Variants in BUB1B observed in about 807,000 individuals in gnomAD.
BUB1B encodes mitotic checkpoint serine/threonine-protein kinase BUB1 beta.
BUB1B carries 86 observed loss-of-function variants against 137.7 expected under a neutral mutation model. The ratio of observed to expected loss-of-function variants is 0.62; its 90% CI spans 0.52 to 0.75. BUB1B has a LOEUF of 0.75. Ranked by LOEUF, BUB1B falls within the 30% of genes least tolerant of loss-of-function variation. The pLI, the probability that BUB1B is intolerant of heterozygous loss-of-function variation, is 0.00. For missense variants in BUB1B, 1,130 were observed against 1,236.9 expected (o/e 0.91, Z 1.30); for synonymous variants, 420 against 417.9 (o/e 1.00, Z -0.06).
At chr15:40,192,226 A>C (rs1485951687) in intron 8 of BUB1B, among the ~76,000 whole-genome samples, 2 of 152,116 alleles carry the variant, frequency 1.3e-5, no homozygotes, top group Non-Finnish European at 2.9e-5. Context: ...AATAGACTTT[A>C]TTTTTTAGGG....
chr15:40,182,441 A>G (rs1252676939), intron 5 of BUB1B, among the ~76,000 whole-genome samples: 2 of 152,174 alleles, frequency 1.3e-5, no homozygotes, highest in Admixed American at 6.5e-5. Flanking sequence ...CACACTTCAG[A>G]TATTACAAGT....
In BUB1B at chr15:40,221,042, G is replaced by T; in HGVS notation, c.*283G>T. The stretch of plus-strand genomic sequence containing the variant: ...AACCCATTTGTCTCTACTTTTCCCT[G>T]TACTTTTCCCATTTGTAATTTGTAA... On this transcript the variant is annotated 3_prime_UTR_variant, in exon 23 of 23. Coordinates refer to ENST00000287598, the MANE Select transcript of BUB1B (RefSeq NM_001211.6). The T allele has an allele frequency of 2.3e-6, 1 of 439,968 alleles. No homozygotes were observed. Among genetic ancestry groups the T allele is most frequent in the Non-Finnish European group, 4.1e-6 (1 of 242,736 alleles). The allele number at this position is 439,968 out of a possible 1,614,324, so 27.3% of individuals were successfully genotyped here.
In BUB1B at chr15:40,217,619, G is replaced by C. The variant is rs1484556062; in HGVS notation, c.2802G>C (p.Gln934His). The change falls in exon 21 of 23, where the codon CAG (glutamine) becomes CAC (histidine). Residue 934 changes from glutamine (Q) to histidine (H), a missense_variant. Gln to His is a conservative substitution (Grantham distance 24). Transcript: ENST00000287598. Reference sequence around the variant, plus strand: ...CCCTCAGCGGCTTTCGGACTGTACAGATCCTGGAAGGACAAAAGATCCTGG... The same window carrying C: ...CCCTCAGCGGCTTTCGGACTGTACACATCCTGGAAGGACAAAAGATCCTGG... ...VFTLSGFRTV[Q>H]ILEGQKILAN... 1 of 1,614,178 alleles carries C rather than the reference G, an allele frequency of 6.2e-7. No homozygotes were observed. Among genetic ancestry groups the C allele is most frequent in the Non-Finnish European group, 8.5e-7 (1 of 1,180,020 alleles).
chr15:40,174,260 T>C (rs2037198857), intron 4 of BUB1B, among the ~76,000 whole-genome samples: 1 of 152,222 alleles, frequency 6.6e-6, no homozygotes, highest in South Asian at 2.1e-4. Context: ...TTCAGAGTTA[T>C]AACTTTTCTT....
In BUB1B at chr15:40,213,441, A is replaced by T. The variant is rs1274168562; in HGVS notation, c.2645A>T (p.Asp882Val). 1 of 1,614,200 alleles carries T rather than the reference A, an allele frequency of 6.2e-7. No individual in the cohort carries two copies. Among genetic ancestry groups the T allele is most frequent in the African/African-American group, 1.3e-5 (1 of 75,062 alleles). The change falls in exon 20 of 23, where the codon GAC (aspartate) becomes GTC (valine). Residue 882 changes from aspartate to valine, a missense_variant. Physicochemically the swap from Asp to Val is radical, Grantham distance 152. Transcript: ENST00000287598. ...CACAAAGCAGAAATAGTCCATGGTGACTTGAGTCCAAGGTGTCTGATTCTC... is the reference window on the plus strand; with the variant it reads ...CACAAAGCAGAAATAGTCCATGGTGTCTTGAGTCCAAGGTGTCTGATTCTC... ...MLHKAEIVHG[D>V]LSPRCLILRN... is the part of the protein sequence containing the mutation.
Position 40,185,580 on chromosome 15 carries a change from T to C in BUB1B, c.996T>C (p.Ala332=). 6.2e-7 allele frequency: 1 copy of C among 1,614,252 alleles called. No individual in the cohort carries two copies. The highest frequency in any genetic ancestry group is 8.5e-7 in the Non-Finnish European group (1 of 1,180,036). Residue 332 remains alanine, a synonymous_variant, in exon 8 of 23, where the codon GCT becomes GCC. Coordinates refer to ENST00000287598, the MANE Select transcript of BUB1B (RefSeq NM_001211.6). ...GTGGCAATACAGCTTCACTGATAGC[T>C]GTACCCGCTGTGCTTCCCAGTTTCA... ...RPRGNTASLI[A]VPAVLPSFTP... is the part of the protein sequence containing the mutation.
chr15:40,208,478 C>T (rs1440325897), intron 15 of BUB1B, among the ~76,000 whole-genome samples, 159 bp from the exon 16 acceptor site: 1 of 152,058 alleles, frequency 6.6e-6, no homozygotes, highest in South Asian at 2.1e-4. Flanking sequence ...GCAGAGGTTG[C>T]AGTGAGCCAA....
intron 2 of BUB1B, among the ~76,000 whole-genome samples, chr15:40,167,232 G>A (rs2037110185): frequency 7.0e-6 from 1 of 142,380 alleles, no homozygotes; most frequent in Non-Finnish European, 1.5e-5. Context: ...CAATTAATTA[G>A]TATTTTTCTT....
intron 6 of BUB1B, 142 bp from the exon 7 acceptor site, chr15:40,185,023 A>G (rs2037341579): frequency 1.5e-6 from 1 of 680,622 alleles, no homozygotes; most frequent in Non-Finnish European, 2.4e-6. Context: ...ATTTTTTTAA[A>G]GATTATTTTT....
intron 8 of BUB1B, among the ~76,000 whole-genome samples, chr15:40,194,873 T>C (rs1216766108): frequency 3.3e-5 from 5 of 152,214 alleles, no homozygotes; most frequent in African/African-American, 9.6e-5. Context: ...GAGGATATGG[T>C]ATTAAGATTT....
intron 2 of BUB1B, among the ~76,000 whole-genome samples, chr15:40,168,502 T>G (rs1227421465): frequency 6.6e-6 from 1 of 152,238 alleles, no homozygotes; most frequent in African/African-American, 2.4e-5. Flanking sequence ...TGTTTTACCA[T>G]TTCTGCAGAT....
At chr15:40,176,433 A>G (rs937292566) in intron 4 of BUB1B, 44 bp from the exon 5 acceptor site, 84 of 1,565,724 alleles carry the variant, frequency 5.4e-5, no homozygotes, top group Non-Finnish European at 6.8e-5. Flanking sequence ...TAGGCATTCA[A>G]TACGTGAGTA....
chr15:40,183,997 A>T, intron 6 of BUB1B, 114 bp downstream of exon 6: 1 of 1,115,608 alleles, frequency 9.0e-7, no homozygotes, highest in Non-Finnish European at 1.3e-6. Context: ...AATACTGAGT[A>T]GCAAAAAGAA....
intron 15 of BUB1B, 122 bp from the exon 16 acceptor site, chr15:40,208,515 G>A (rs1332045301): frequency 2.1e-6 from 2 of 968,450 alleles, no homozygotes; most frequent in Non-Finnish European, 3.1e-6. Flanking sequence ...TCCAGCCTGG[G>A]TGACAAGAGC....
At chr15:40,214,095 A>T (rs961864284) in intron 20 of BUB1B, among the ~76,000 whole-genome samples, 1 of 152,210 alleles carries the variant, frequency 6.6e-6, no homozygotes, top group Non-Finnish European at 1.5e-5. Context: ...TTTGAGTGGG[A>T]CCAGTGCCAC....
chr15:40,185,925 A>C (rs111856144), intron 8 of BUB1B, among the ~76,000 whole-genome samples: 1 of 152,152 alleles, frequency 6.6e-6, no homozygotes, highest in African/African-American at 2.4e-5. Context: ...TATTCCTTTG[A>C]GTATGTTAGG....
chr15:40,186,430 C>CTTTTTTTT lies in BUB1B; in HGVS notation c.1058+806_1058+813dup, dbSNP rs769074759. Among the ~76,000 whole-genome samples, 147 of 67,360 alleles carry CTTTTTTTT rather than the reference C, an allele frequency of 2.2e-3. 3 individuals are homozygous for CTTTTTTTT. Among genetic ancestry groups the CTTTTTTTT allele is most frequent in the African/African-American group, 2.9e-3 (49 of 17,084 alleles). The allele number at this position is 67,360 out of a possible 152,430, so 44.2% of individuals were successfully genotyped here. A position where few individuals can be genotyped will look rare whatever the true frequency, so the allele number is the denominator to read the frequency against. The stretch of plus-strand genomic sequence containing the variant: ...GTCTAATGCTTAACATTGCCTAGTT[C>CTTTTTTTT]TTTTTTTTTTTTTTTTTTTTTTTTT... On this transcript the variant is annotated intron_variant, in intron 8 of 22. Coordinates refer to ENST00000287598, the MANE Select transcript of BUB1B (RefSeq NM_001211.6).
At chr15:40,182,904 C>G (rs1303670353) in intron 5 of BUB1B, among the ~76,000 whole-genome samples, 2 of 152,068 alleles carry the variant, frequency 1.3e-5, no homozygotes, top group African/African-American at 4.8e-5. Flanking sequence ...AAGTTTTGAC[C>G]CCTCTCCACA....
rs145026343 is a variant in BUB1B at position 40,212,587 on chromosome 15, G to A, written c.2474G>A (p.Cys825Tyr). 1.2e-6 allele frequency: 2 copies of A among 1,613,646 alleles called. No individual in the cohort carries two copies. Among genetic ancestry groups the A allele is most frequent in the East Asian group, 2.2e-5 (1 of 44,832 alleles). ...LNEDFDHFCS[C>Y]YQYQDGCIVW... ...GAAGATTTTGATCATTTTTGCAGCT[G>A]TTATCAATATCAAGATGGCTGTATT... The change falls in exon 19 of 23, where the codon TGT (cysteine) becomes TAT (tyrosine). Residue 825 changes from cysteine to tyrosine, a missense_variant. Transcript: ENST00000287598.
Sources: allele counts gnomAD v4.1 joint callset (sites outside exome capture counted in the v4.1 genomes callset), GRCh38; gene constraint gnomAD v4.1.1; transcripts MANE v1.5; gene names NCBI Gene and HGNC (gene_info 2026-07-23, HGNC 2026-07-21).